Variants in TRPA1 observed in about 807,000 individuals in gnomAD.
The protein encoded by TRPA1 is transient receptor potential cation channel subfamily A member 1.
In TRPA1, 129 loss-of-function variants were observed where a neutral mutation model predicts 131.3. The observed-to-expected ratio is 0.98, with a 90% CI of 0.85 to 1.14. TRPA1 has a LOEUF of 1.14. Ranked by LOEUF, TRPA1 falls within the 50% of genes most tolerant of loss-of-function variation. The probability of loss-of-function intolerance (pLI) is 0.00; values close to 1 mark genes in which losing one functional copy is unlikely to be tolerated. For synonymous variants in TRPA1, 441 were observed against 451.7 expected (o/e 0.98, Z 0.30); for missense variants, 1,304 against 1,354.2 (o/e 0.96, Z 0.58).
intron 23 of TRPA1, 128 bp downstream of exon 23, chr8:72,033,516 G>A (rs549817596): frequency 1.7e-5 from 16 of 924,322 alleles, no homozygotes; most frequent in African/African-American, 5.0e-5. Context: ...AGTGTTGAAC[G>A]AATAGATTTT....
intron 14 of TRPA1, among the ~76,000 whole-genome samples, 190 bp from the exon 15 acceptor site, chr8:72,051,061 A>G (rs1025929): frequency 0.5 from 75,903 of 152,070 alleles, 19,325 homozygotes; most frequent in Admixed American, 0.62. Context: ...ATCCTTGCCC[A>G]TTAATGGACA....
In TRPA1 at chr8:72,036,559, C is replaced by T. The variant is rs984352960; in HGVS notation, c.2386-102G>A. ...AATACAATTTTTCTAGCTTTGCAGCCAGCTGGGGAGAAGTTTAGGACCAAG... is the reference window on the plus strand; with the variant it reads ...AATACAATTTTTCTAGCTTTGCAGCTAGCTGGGGAGAAGTTTAGGACCAAG... On this transcript the variant is annotated intron_variant, in intron 20 of 26. Transcript: ENST00000262209. 13 of 1,142,066 alleles carry T rather than the reference C, an allele frequency of 1.1e-5. No individual in the cohort carries two copies. The East Asian group carries it at 3.3e-4, about 29-fold the overall frequency. The allele number at this position is 1,142,066 out of a possible 1,614,324, so 70.7% of individuals were successfully genotyped here. A position where few individuals can be genotyped will look rare whatever the true frequency, so the allele number is the denominator to read the frequency against.
rs751692420 is a variant in TRPA1, at chr8:72,061,698, T to C, written c.871A>G (p.Met291Val). 8.7e-6 allele frequency: 14 copies of C among 1,614,086 alleles called. No individual in the cohort carries two copies. The highest frequency in any genetic ancestry group is 1.2e-5 in the Non-Finnish European group (14 of 1,179,974). ...ACGCTACCAGAATAGGACGATATCA[T>C]CAGTTTAACAATCTCAGTGGCTCCC... is the stretch of plus-strand genomic sequence containing the variant. ...TQGATEIVKL[M>V]ISSYSGSVDI... The change falls in exon 7 of 27, where the codon ATG (methionine) becomes GTG (valine). Residue 291 changes from methionine to valine, a missense_variant. Transcript: ENST00000262209.
At position 72,071,671 on chromosome 8, in the gene TRPA1, A is replaced by G. The variant is rs748845097; in HGVS notation, c.268+40T>C. ...CATTCTTTCTAGTTAATTGAATGGG[A>G]TGAATGATTTCTGGAAGATGAATTG... On this transcript the variant is annotated intron_variant, in intron 2 of 26. Transcript: ENST00000262209. 2.5e-6 allele frequency: 4 copies of G among 1,604,410 alleles called. No individual in the cohort carries two copies. In the South Asian group the frequency reaches 4.4e-5, roughly 18 times the overall value.
At chr8:72,049,263 C>T (rs4737339) in intron 15 of TRPA1, among the ~76,000 whole-genome samples, 95,681 of 152,048 alleles carry the variant, frequency 0.63, 30,395 homozygotes, top group Admixed American at 0.74. Flanking sequence ...GCACTTTATA[C>T]ATTTTACCCC....
the TRPA1 span, among the ~76,000 whole-genome samples, chr8:72,082,163 C>A: frequency 8.6e-5 from 13 of 151,870 alleles, no homozygotes; most frequent in African/African-American, 3.1e-4. Context: ...ATAGTGATTA[C>A]AATGTTCATC....
chr8:72,062,858 C>A lies in TRPA1; in HGVS notation c.748G>T (p.Gly250Cys). Residue 250 changes from glycine to cysteine, a missense_variant, in exon 6 of 27, where the codon GGT becomes TGT. Gly to Cys is a radical substitution (Grantham distance 159). Coordinates refer to ENST00000262209, the MANE Select transcript of TRPA1 (RefSeq NM_007332.3). Reference sequence around the variant, plus strand: ...CACATTTTGATCATTTCCAAGTCACCATTTTGCACAGCCAGGTGGAGAGGG... The same window carrying A: ...CACATTTTGATCATTTCCAAGTCACAATTTTGCACAGCCAGGTGGAGAGGG... Reference protein sequence around the residue: ...ATPLHLAVQNGDLEMIKMCLD... With the variant: ...ATPLHLAVQNCDLEMIKMCLD... 6.2e-7 allele frequency: 1 copy of A among 1,613,908 alleles called. No individual in the cohort carries two copies. Among genetic ancestry groups the A allele is most frequent in the Non-Finnish European group, 8.5e-7 (1 of 1,179,972 alleles).
chr8:72,067,142 G>A (rs1181228535), intron 3 of TRPA1, among the ~76,000 whole-genome samples: 2 of 152,170 alleles, frequency 1.3e-5, no homozygotes, highest in African/African-American at 4.8e-5. Flanking sequence ...AGGCAGCAGA[G>A]GAAGGTTTGA....
chr8:72,060,478 G>A (rs1805781060), intron 7 of TRPA1: 1 of 152,018 alleles, frequency 6.6e-6, no homozygotes, highest in South Asian at 2.1e-4. Flanking sequence ...TTATTTCAAT[G>A]GCTTTTTTAA....
At position 72,030,001 on chromosome 8, in the gene TRPA1, G is replaced by T. The variant is rs142657645; in HGVS notation, c.2869-32C>A. ...TATGACACAAAATTAAATCACTACA[G>T]TTGAATGGTCCACCTAAAAATGCAT... On this transcript the variant is annotated intron_variant, in intron 23 of 26. Transcript: ENST00000262209. 415 of 1,590,442 alleles carry T rather than the reference G, an allele frequency of 2.6e-4. 4 individuals carry two copies. The East Asian group carries it at 8.7e-3, about 33-fold the overall frequency.
chr8:72,069,312 C>T, intron 2 of TRPA1, 114 bp from the exon 3 acceptor site: 3 of 1,054,344 alleles, frequency 2.8e-6, no homozygotes, highest in Non-Finnish European at 2.9e-6. Context: ...TCAGCTGCAT[C>T]TTTTTATGGA....
chr8:72,055,284 G>A, intron 12 of TRPA1, 152 bp downstream of exon 12: 1 of 670,958 alleles, frequency 1.5e-6, no homozygotes, highest in Non-Finnish European at 2.5e-6. Context: ...AGTATTTTTA[G>A]AAGTTACATA....
chr8:72,063,344 C>T (rs1408664448), intron 5 of TRPA1, 119 bp downstream of exon 5: 1 of 709,624 alleles, frequency 1.4e-6, no homozygotes, highest in East Asian at 2.9e-5. Flanking sequence ...CACACCACTG[C>T]ACTCCAGCCT....
At chr8:72,057,633 G>C (rs965405501) in intron 9 of TRPA1, 84 bp downstream of exon 9, 6 of 1,036,840 alleles carry the variant, frequency 5.8e-6, no homozygotes, top group Admixed American at 5.1e-5. Flanking sequence ...GGCACACAAT[G>C]AATGTTCATT....
At chr8:72,030,862 G>T (rs1160611265) in intron 23 of TRPA1, among the ~76,000 whole-genome samples, 1 of 152,206 alleles carries the variant, frequency 6.6e-6, no homozygotes, top group Admixed American at 6.5e-5. Flanking sequence ...ATTAGCTGGG[G>T]GGAAGCTGTT....
At chr8:72,047,766 G>C (rs1805381080) in intron 15 of TRPA1, among the ~76,000 whole-genome samples, 1 of 152,024 alleles carries the variant, frequency 6.6e-6, no homozygotes, top group African/African-American at 2.4e-5. Flanking sequence ...ATCTACACTT[G>C]GATCCCATCC....
intron 17 of TRPA1, among the ~76,000 whole-genome samples, chr8:72,040,345 A>G (rs923851450): frequency 6.6e-6 from 1 of 152,138 alleles, no homozygotes; most frequent in African/African-American, 2.4e-5. Context: ...TCCTTCCTCC[A>G]TAGAGATATG....
chr8:72,049,753 C>CT (rs2129434927), intron 15 of TRPA1, among the ~76,000 whole-genome samples: 1 of 152,168 alleles, frequency 6.6e-6, no homozygotes, highest in Non-Finnish European at 1.5e-5. Context: ...GGCATAAGAG[C>CT]TTTTTTCCAT....
the TRPA1 span, among the ~76,000 whole-genome samples, chr8:72,088,986 T>C: frequency 6.6e-6 from 1 of 152,148 alleles, no homozygotes. Flanking sequence ...TAAGTTGGCC[T>C]CCAGACAAAG....
Sources: allele counts gnomAD v4.1 joint callset (sites outside exome capture counted in the v4.1 genomes callset), GRCh38; gene constraint gnomAD v4.1.1; transcripts MANE v1.5; gene names NCBI Gene and HGNC (gene_info 2026-07-23, HGNC 2026-07-21).